The following CRTAC1 variants were observed in gnomAD, a reference collection of about 807,000 sequenced individuals.
The protein encoded by CRTAC1 is acidic secreted protein in cartilage.
A neutral mutation model predicts 67.8 loss-of-function variants in CRTAC1; 37 were observed. The ratio of observed to expected loss-of-function variants is 0.55; its 90% CI spans 0.42 to 0.72. CRTAC1 has a LOEUF of 0.72. Among genes scored for constraint, CRTAC1 ranks in the 30% least tolerant of loss-of-function variants. The probability of loss-of-function intolerance (pLI) is 0.00; values close to 1 mark genes in which losing one functional copy is unlikely to be tolerated. For missense variants in CRTAC1, 780 were observed against 931.6 expected (o/e 0.84, Z 2.12); for synonymous variants, 348 against 371.0 (o/e 0.94, Z 0.71).
At chr10:97,971,735 A>T in intron 2 of CRTAC1, among the ~76,000 whole-genome samples, 1 of 152,228 alleles carries the variant, frequency 6.6e-6, no homozygotes, top group East Asian at 1.9e-4. Flanking sequence ...AGCTAAGTTC[A>T]CCAATGGTTT....
chr10:97,926,731 A>G (rs993881368), intron 3 of CRTAC1, among the ~76,000 whole-genome samples: 2 of 152,168 alleles, frequency 1.3e-5, no homozygotes, highest in Non-Finnish European at 1.5e-5. Context: ...TTCCCACAAA[A>G]CTTAAAAAAT....
intron 8 of CRTAC1, 78 bp downstream of exon 8, chr10:97,901,425 T>C (rs1229853551): frequency 4.2e-5 from 66 of 1,586,380 alleles, no homozygotes; most frequent in Non-Finnish European, 5.7e-5. Flanking sequence ...CCCCTTCTGA[T>C]TCTTAAACCT....
chr10:97,886,941 G>C (rs933882318), intron 11 of CRTAC1, among the ~76,000 whole-genome samples: 1 of 151,770 alleles, frequency 6.6e-6, no homozygotes, highest in Non-Finnish European at 1.5e-5. Context: ...CACCACACCC[G>C]GCCAGATTTC....
chr10:97,880,212 C>A (rs750005570), intron 14 of CRTAC1, 37 bp downstream of exon 14: 7 of 1,606,960 alleles, frequency 4.4e-6, no homozygotes, highest in Admixed American at 3.3e-5. Context: ...AAAGCAACAT[C>A]CTTTTGCTAC....
At chr10:97,917,774 G>T (rs985069308) in intron 4 of CRTAC1, 118 bp from the exon 5 acceptor site, 45 of 737,024 alleles carry the variant, frequency 6.1e-5, no homozygotes, top group Middle Eastern at 3.0e-4. Context: ...CTTCTCCCCA[G>T]GTCTGTTGCA....
At chr10:98,010,837 T>A (rs1374610157) in intron 2 of CRTAC1, among the ~76,000 whole-genome samples, 1 of 152,182 alleles carries the variant, frequency 6.6e-6, no homozygotes, top group Non-Finnish European at 1.5e-5. Flanking sequence ...GGCTTAAATA[T>A]GAAGAGAAGA....
chr10:97,865,935 G>T lies in CRTAC1; in HGVS notation c.1820-221C>A, dbSNP rs919850864. On this transcript the variant is annotated intron_variant, in intron 14 of 14. Coordinates refer to ENST00000370597, the MANE Select transcript of CRTAC1 (RefSeq NM_018058.7). Reference sequence around the variant, plus strand: ...CCTGACCTGGGGGCTTTTCCTTCCCGATGGGGCTGGTCTGGGCCACACAGA... The same window carrying T: ...CCTGACCTGGGGGCTTTTCCTTCCCTATGGGGCTGGTCTGGGCCACACAGA... 4 of 624,704 alleles carry T rather than the reference G, an allele frequency of 6.4e-6. No homozygotes were observed. In the Admixed American group the frequency reaches 9.6e-5, roughly 15 times the overall value. 38.7% of individuals were successfully genotyped at this position (624,704 alleles called of 1,614,324 possible).
At chr10:98,028,426 A>T (rs758996438) in intron 1 of CRTAC1, among the ~76,000 whole-genome samples, 1 of 152,232 alleles carries the variant, frequency 6.6e-6, no homozygotes, top group Non-Finnish European at 1.5e-5. Flanking sequence ...GCACGGAAGC[A>T]AGGGAGCGCT....
chr10:97,991,099 CAA>C (rs757267901), intron 2 of CRTAC1, among the ~76,000 whole-genome samples: 3 of 17,980 alleles, frequency 1.7e-4, no homozygotes, highest in South Asian at 2.6e-3. Context: ...ACCATCTCTA[CAA>C]AAAAAAAAAA....
intron 1 of CRTAC1, among the ~76,000 whole-genome samples, chr10:98,023,518 T>A (rs1378775344): frequency 6.6e-6 from 1 of 152,228 alleles, no homozygotes; most frequent in Non-Finnish European, 1.5e-5. Context: ...CAAGGCAGCA[T>A]TTCTCCTTGA....
At chr10:97,965,175 G>A (rs772211000) in intron 2 of CRTAC1, among the ~76,000 whole-genome samples, 13 of 152,192 alleles carry the variant, frequency 8.5e-5, no homozygotes, top group Non-Finnish European at 1.6e-4. Flanking sequence ...GCTCGTGGAA[G>A]GTCCTCTTCT....
At chr10:97,956,808 T>C (rs918966241) in intron 2 of CRTAC1, among the ~76,000 whole-genome samples, 21 of 151,876 alleles carry the variant, frequency 1.4e-4, no homozygotes, top group Non-Finnish European at 2.5e-4. Flanking sequence ...TTCTTTTTTT[T>C]TTTTGAGACC....
chr10:98,006,728 G>A (rs757501230), intron 2 of CRTAC1, among the ~76,000 whole-genome samples: 21 of 152,300 alleles, frequency 1.4e-4, no homozygotes, highest in Non-Finnish European at 2.1e-4. Flanking sequence ...AGTACGGAGC[G>A]CTTTATAAAC....
chr10:97,953,911 A>C (rs1044971690), intron 2 of CRTAC1, among the ~76,000 whole-genome samples: 3 of 152,168 alleles, frequency 2.0e-5, no homozygotes, highest in Admixed American at 6.5e-5. Context: ...CTAGCATGTG[A>C]TACTCCTCGG....
intron 2 of CRTAC1, among the ~76,000 whole-genome samples, chr10:97,959,825 A>G (rs1256329044): frequency 6.6e-6 from 1 of 152,118 alleles, no homozygotes; most frequent in Non-Finnish European, 1.5e-5. Context: ...TGCCTTCCCT[A>G]TTGAGGTTAA....
chr10:98,001,060 T>A (rs1282567329), intron 2 of CRTAC1, among the ~76,000 whole-genome samples: 4 of 152,268 alleles, frequency 2.6e-5, no homozygotes. Flanking sequence ...AGACCAAATG[T>A]GTATTTAGGG....
intron 2 of CRTAC1, among the ~76,000 whole-genome samples, chr10:97,960,545 A>G (rs1308501691): frequency 1.3e-5 from 2 of 152,196 alleles, no homozygotes; most frequent in African/African-American, 4.8e-5. Flanking sequence ...CAAATGTTGA[A>G]TCATTATTCT....
intron 11 of CRTAC1, 79 bp from the exon 12 acceptor site, chr10:97,884,430 C>T: frequency 7.7e-7 from 1 of 1,303,246 alleles, no homozygotes; most frequent in Non-Finnish European, 1.1e-6. Context: ...TCAACTAATT[C>T]ATCCATTGAA....
At chr10:97,917,980 G>C (rs1447960903) in intron 4 of CRTAC1, among the ~76,000 whole-genome samples, 1 of 152,028 alleles carries the variant, frequency 6.6e-6, no homozygotes, top group Non-Finnish European at 1.5e-5. Flanking sequence ...CCCTCCAGCT[G>C]AGCTCTCTCC....
Sources: gnomAD v4.1 joint callset for allele counts (sites outside exome capture counted in the v4.1 genomes callset) on GRCh38, gnomAD v4.1.1 for gene constraint, MANE v1.5 for transcripts, NCBI Gene and HGNC (gene_info 2026-07-23, HGNC 2026-07-21) for gene names.